Variants in ZNF681 observed in about 807,000 individuals in gnomAD.
ZNF681 encodes the protein hypothetical protein FLJ31526.
A neutral mutation model predicts 56.0 loss-of-function variants in ZNF681; 37 were observed. The observed-to-expected ratio is 0.66, with a 90% CI of 0.51 to 0.87. ZNF681 has a LOEUF of 0.87. Ranked by LOEUF, ZNF681 falls within the 40% of genes least tolerant of loss-of-function variation. The pLI is 0.00. For synonymous variants in ZNF681, 225 were observed against 248.6 expected (o/e 0.91, Z 0.89); for missense variants, 741 against 744.9 (o/e 0.99, Z 0.06).
rs1270881314 is a variant in ZNF681, at chr19:23,754,814, C to G, written c.226+9G>C. 6.2e-7 allele frequency: 1 copy of G among 1,611,786 alleles called. No homozygotes were observed. Among genetic ancestry groups the G allele is most frequent in the East Asian group, 2.2e-5 (1 of 44,868 alleles). ...GTTATCTGTTGTATTCACTTTCACT[C>G]TCACCTACCTGGGGGTTCGGCCACC... On this transcript the variant is annotated intron_variant, in intron 3 of 3. Transcript: ENST00000402377.
Position 23,743,336 on chromosome 19 carries a change from T to C in ZNF681, c.*276A>G. ...CTTCACTTTAGAGGCTTATATTTTCTGAAAGATTTTTGACAGTAATTGCAT... is the reference window on the plus strand; with the variant it reads ...CTTCACTTTAGAGGCTTATATTTTCCGAAAGATTTTTGACAGTAATTGCAT... On this transcript the variant is annotated 3_prime_UTR_variant, in exon 4 of 4. Transcript: ENST00000402377. 4.3e-6 allele frequency: 1 copy of C among 230,980 alleles called. No individual in the cohort carries two copies. Among genetic ancestry groups the C allele is most frequent in the Non-Finnish European group, 8.3e-6 (1 of 120,162 alleles). 14.3% of individuals were successfully genotyped at this position (230,980 alleles called of 1,614,324 possible). A position where few individuals can be genotyped will look rare whatever the true frequency, so the allele number is the denominator to read the frequency against.
At chr19:23,749,982 CAA>C (rs1969000073) in intron 3 of ZNF681, among the ~76,000 whole-genome samples, 2 of 149,644 alleles carry the variant, frequency 1.3e-5, no homozygotes, top group South Asian at 4.2e-4. Context: ...CACTGAAAAT[CAA>C]CTAAGAAAAA....
In ZNF681 at chr19:23,741,878, C is replaced by T. The variant is rs1599449588; in HGVS notation, c.*1734G>A. On this transcript the variant is annotated 3_prime_UTR_variant, in exon 4 of 4. Coordinates refer to ENST00000402377, the MANE Select transcript of ZNF681 (RefSeq NM_138286.3). Reference sequence around the variant, plus strand: ...TGCCATATTTACACATACTATGTACCCACAAAAATTAAGAAAAATAAGTTT... The same window carrying T: ...TGCCATATTTACACATACTATGTACTCACAAAAATTAAGAAAAATAAGTTT... 6.6e-6 allele frequency: 1 copy of T among 151,550 alleles called. No individual in the cohort carries two copies. The highest frequency in any genetic ancestry group is 1.9e-4 in the East Asian group (1 of 5,170). 9.4% of individuals were successfully genotyped at this position (151,550 alleles called of 1,614,324 possible).
At position 23,739,335 on chromosome 19, in the gene ZNF681, AAAG is replaced by A. The variant is rs1356053998; in HGVS notation, c.*4274_*4276del. On this transcript the variant is annotated 3_prime_UTR_variant, in exon 4 of 4. Coordinates refer to ENST00000402377, the MANE Select transcript of ZNF681 (RefSeq NM_138286.3). ...CACCAGATGCCAACATATTTGGAAA[AAAG>A]AGGGGTTTAGAAAGATGTCAGTCAA... The A allele has an allele frequency of 6.6e-6, 1 of 151,976 alleles. No homozygotes were observed. Among genetic ancestry groups the A allele is most frequent in the Non-Finnish European group, 1.5e-5 (1 of 68,038 alleles). The allele number at this position is 151,976 out of a possible 1,614,324, so 9.4% of individuals were successfully genotyped here. A position where few individuals can be genotyped will look rare whatever the true frequency, so the allele number is the denominator to read the frequency against.
rs143174822 is a variant in ZNF681, at chr19:23,741,652, T to G, written c.*1960A>C. On this transcript the variant is annotated 3_prime_UTR_variant, in exon 4 of 4. Coordinates refer to ENST00000402377, the MANE Select transcript of ZNF681 (RefSeq NM_138286.3). ...TGAACCCAGTAGGCGGAGGTTGCAG[T>G]GAGCTGAGACCACGCCAATGCACCC... is the stretch of plus-strand genomic sequence containing the variant. 7,318 of 152,138 alleles carry G rather than the reference T, an allele frequency of 0.048. 322 individuals carry two copies. The highest frequency in any genetic ancestry group is 0.079 in the South Asian group (380 of 4,818). The allele number at this position is 152,138 out of a possible 1,614,324, so 9.4% of individuals were successfully genotyped here.
chr19:23,755,000 G>T, intron 2 of ZNF681, 82 bp from the exon 3 acceptor site: 1 of 971,688 alleles, frequency 1.0e-6, no homozygotes, highest in Non-Finnish European at 1.5e-6. Flanking sequence ...TAAAGAGGGT[G>T]AAATAGAATA....
At chr19:23,749,477 T>A (rs2144845899) in intron 3 of ZNF681, among the ~76,000 whole-genome samples, 1 of 152,310 alleles carries the variant, frequency 6.6e-6, no homozygotes, top group East Asian at 1.9e-4. Context: ...GGTCTCATTC[T>A]ATCACGTAAG....
intron 3 of ZNF681, among the ~76,000 whole-genome samples, chr19:23,754,488 A>G (rs1969084249): frequency 1.6e-4 from 1 of 6,224 alleles, no homozygotes; most frequent in Middle Eastern, 0.5. Context: ...ACACATAGTG[A>G]AACCGTCTCT....
Position 23,758,863 on chromosome 19 carries a change from G to C in ZNF681, c.-114C>G. 1 of 1,456,642 alleles carries C rather than the reference G, an allele frequency of 6.9e-7. No homozygotes were observed. The highest frequency in any genetic ancestry group is 9.4e-7 in the Non-Finnish European group (1 of 1,058,598). 90.2% of individuals were successfully genotyped at this position (1,456,642 alleles called of 1,614,324 possible). A position where few individuals can be genotyped will look rare whatever the true frequency, so the allele number is the denominator to read the frequency against. ...AGAGGACACAGAGCAGTGAAGACGA[G>C]ACCCGGAGCTCGGGCTGAAGGGAGA... On this transcript the variant is annotated 5_prime_UTR_variant, in exon 1 of 4. Coordinates refer to ENST00000402377, the MANE Select transcript of ZNF681 (RefSeq NM_138286.3).
chr19:23,758,596 T>G (rs1969162125), intron 1 of ZNF681, 151 bp downstream of exon 1: 2 of 1,177,012 alleles, frequency 1.7e-6, no homozygotes, highest in South Asian at 1.2e-5. Context: ...GGGCTGGCTG[T>G]CAGCGCAGCC....
chr19:23,756,967 T>A (rs1459761432), intron 1 of ZNF681, among the ~76,000 whole-genome samples: 1 of 151,920 alleles, frequency 6.6e-6, no homozygotes, highest in East Asian at 1.9e-4. Context: ...GTCTCGTGGG[T>A]TCACGCAATT....
intron 3 of ZNF681, among the ~76,000 whole-genome samples, chr19:23,748,887 G>A (rs1026332917): frequency 6.6e-6 from 1 of 152,094 alleles, no homozygotes; most frequent in African/African-American, 2.4e-5. Context: ...ATGATGAACT[G>A]AAAATCCGTT....
rs1311628447 is a variant in ZNF681, at chr19:23,744,200, G to A, written c.1350C>T (p.Tyr450=). Residue 450 remains tyrosine, a synonymous_variant, in exon 4 of 4, where the codon TAC becomes TAT. Coordinates refer to ENST00000402377, the MANE Select transcript of ZNF681 (RefSeq NM_138286.3). ...HKNIHTEEKP[Y]KCEECGKAFN... The stretch of plus-strand genomic sequence containing the variant: ...AGGCTTTCCCACATTCTTCACATTT[G>A]TATGGTTTCTCTTCAGTATGAATAT... 2 of 1,613,614 alleles carry A rather than the reference G, an allele frequency of 1.2e-6. No homozygotes were observed. The highest frequency in any genetic ancestry group is 1.1e-5 in the South Asian group (1 of 91,064).
chr19:23,744,167 C>G lies in ZNF681; in HGVS notation c.1383G>C (p.Gln461His). 6.2e-7 allele frequency: 1 copy of G among 1,612,762 alleles called. No individual in the cohort carries two copies. The highest frequency in any genetic ancestry group is 1.1e-5 in the South Asian group (1 of 91,016). The change falls in exon 4 of 4, where the codon CAG becomes CAC. Residue 461 changes from glutamine (Q) to histidine (H), a missense_variant. By Grantham distance (24) the Gln-to-His change is conservative. Coordinates refer to ENST00000402377, the MANE Select transcript of ZNF681 (RefSeq NM_138286.3). ...KCEECGKAFN[Q>H]FSNLTTHKRI... ...TTTTATGTGTAGTAAGGTTTGAGAA[C>G]TGGTTAAAGGCTTTCCCACATTCTT...
chr19:23,753,642 C>T (rs1969068987), intron 3 of ZNF681, among the ~76,000 whole-genome samples: 1 of 152,102 alleles, frequency 6.6e-6, no homozygotes, highest in Non-Finnish European at 1.5e-5. Flanking sequence ...GCAGGCAGAT[C>T]ATGAGGTCAA....
chr19:23,743,739 T>G lies in ZNF681; in HGVS notation c.1811A>C (p.Asn604Thr), dbSNP rs1309429116. 1 of 1,609,364 alleles carries G rather than the reference T, an allele frequency of 6.2e-7. No homozygotes were observed. Among genetic ancestry groups the G allele is most frequent in the Non-Finnish European group, 8.5e-7 (1 of 1,177,142 alleles). Residue 604 changes from asparagine (N) to threonine (T), a missense_variant, in exon 4 of 4, where the codon AAC (asparagine) becomes ACC (threonine). Asn to Thr is a moderately conservative substitution (Grantham distance 65). Coordinates refer to ENST00000402377, the MANE Select transcript of ZNF681 (RefSeq NM_138286.3). ...ATGAATTTTCTTATGTCCAGTAAGG[T>G]TTGAGGACTGGTTAAAAGCTTTGCC... ...KCGKAFNQSS[N>T]LTGHKKIHTG... is the part of the protein sequence containing the mutation.
chr19:23,746,834 G>C (rs1039159952), intron 3 of ZNF681, among the ~76,000 whole-genome samples: 4 of 152,184 alleles, frequency 2.6e-5, no homozygotes, highest in African/African-American at 4.8e-5. Flanking sequence ...ATTAAATTTA[G>C]GAATACCAGG....
intron 3 of ZNF681, among the ~76,000 whole-genome samples, chr19:23,746,748 T>C (rs1418991824): frequency 6.6e-6 from 1 of 152,214 alleles, no homozygotes; most frequent in Non-Finnish European, 1.5e-5. Context: ...TAAACTACTT[T>C]CCAGTTAAAA....
chr19:23,744,132 G>T lies in ZNF681; in HGVS notation c.1418C>A (p.Thr473Asn), dbSNP rs1332160435. The T allele has an allele frequency of 1.9e-6, 3 of 1,613,020 alleles. No homozygotes were observed. The East Asian group carries it at 6.7e-5, about 36-fold the overall frequency. The stretch of plus-strand genomic sequence containing the variant: ...TTCACATTTGTAGGGTTTCTCTCCA[G>T]TATGAATTCTTTTATGTGTAGTAAG... The part of the protein sequence containing the change: ...SNLTTHKRIH[T>N]GEKPYKCEEC... Residue 473 changes from threonine to asparagine, a missense_variant, in exon 4 of 4, where the codon ACT becomes AAT. Thr to Asn is a moderately conservative substitution (Grantham distance 65). Transcript: ENST00000402377.
Sources: gnomAD v4.1 joint callset for allele counts (sites outside exome capture counted in the v4.1 genomes callset) on GRCh38, gnomAD v4.1.1 for gene constraint, MANE v1.5 for transcripts, NCBI Gene and HGNC (gene_info 2026-07-23, HGNC 2026-07-21) for gene names.